SGCD: variants seen among roughly 807,000 people sequenced by gnomAD.
The protein encoded by SGCD is sarcoglycan delta, also known as delta-sarcoglycan.
In SGCD, 18 loss-of-function variants were observed where a neutral mutation model predicts 36.6. The observed-to-expected ratio is 0.49, with a 90% CI of 0.34 to 0.73. SGCD has a LOEUF of 0.73. Ranked by LOEUF, SGCD falls within the 30% of genes least tolerant of loss-of-function variation. The pLI is 0.01. For synonymous variants in SGCD, 133 were observed against 130.6 expected, an observed-to-expected ratio of 1.02 and a Z score of -0.12; for missense variants, 387 against 346.7, an observed-to-expected ratio of 1.12 and a Z score of -0.92.
At chr5:156,090,321 G>C (rs1761209854) in intron 1 of SGCD, among the ~76,000 whole-genome samples, 1 of 152,160 alleles carries the variant, frequency 6.6e-6, no homozygotes, top group Non-Finnish European at 1.5e-5. Flanking sequence ...TTCCCTAAGT[G>C]TCAGCTGGTC....
At chr5:155,897,341 G>T (rs1467613772) in intron 1 of SGCD, among the ~76,000 whole-genome samples, 1 of 152,154 alleles carries the variant, frequency 6.6e-6, no homozygotes, top group Non-Finnish European at 1.5e-5. Context: ...TACCATGAAT[G>T]GAGCTTGCAG....
chr5:155,843,231 A>T, the SGCD span, among the ~76,000 whole-genome samples: 4 of 152,362 alleles, frequency 2.6e-5, no homozygotes, highest in Admixed American at 2.6e-4. Flanking sequence ...GTGTGTGTGT[A>T]AAATGAATAA....
chr5:156,026,999 CTA>C (rs1454442885), intron 1 of SGCD, among the ~76,000 whole-genome samples: 1 of 152,140 alleles, frequency 6.6e-6, no homozygotes, highest in Non-Finnish European at 1.5e-5. Flanking sequence ...AGGACTTGGT[CTA>C]TAGGTGATAG....
intron 1 of SGCD, among the ~76,000 whole-genome samples, chr5:156,086,053 G>C (rs1421849578): frequency 7.2e-5 from 11 of 152,206 alleles, no homozygotes; most frequent in Non-Finnish European, 1.5e-4. Flanking sequence ...AGTTTTCATA[G>C]TGGTTTCTCT....
chr5:156,618,603 A>C (rs1297969294), intron 6 of SGCD, among the ~76,000 whole-genome samples: 2 of 151,554 alleles, frequency 1.3e-5, no homozygotes, highest in Non-Finnish European at 2.9e-5. Flanking sequence ...AAAAAAAAAA[A>C]AAAAAAAAAG....
At chr5:155,860,204 G>C in the SGCD span, among the ~76,000 whole-genome samples, 1 of 152,188 alleles carries the variant, frequency 6.6e-6, no homozygotes, top group African/African-American at 2.4e-5. Context: ...AGGAAGATCA[G>C]GCCAATGACT....
At chr5:155,816,789 A>C in the SGCD span, among the ~76,000 whole-genome samples, 1 of 152,212 alleles carries the variant, frequency 6.6e-6, no homozygotes, top group Non-Finnish European at 1.5e-5. Flanking sequence ...GGTCCCAATA[A>C]TAGTATAAAA....
chr5:156,601,919 G>C lies in SGCD; in HGVS notation c.502+6868G>C, dbSNP rs190398246. Among the ~76,000 whole-genome samples, 525 of 152,290 alleles carry C rather than the reference G, an allele frequency of 3.4e-3. 3 individuals are homozygous for C. The highest frequency in any genetic ancestry group is 0.012 in the African/African-American group (487 of 41,560). On this transcript the variant is annotated intron_variant, in intron 6 of 8. Coordinates refer to ENST00000337851, the MANE Select transcript of SGCD (RefSeq NM_000337.6). ...GATGATCTCGATCTCCTGACCTTGT[G>C]ATCTGCCTGCCTTGGCCTCCCAAAG...
intron 1 of SGCD, among the ~76,000 whole-genome samples, chr5:156,071,091 T>C (rs1329772295): frequency 6.6e-6 from 1 of 152,194 alleles, no homozygotes; most frequent in Non-Finnish European, 1.5e-5. Context: ...GCTCCTGGAT[T>C]CATTAATATT....
intron 1 of SGCD, among the ~76,000 whole-genome samples, chr5:155,989,088 A>G (rs1225521057): frequency 6.6e-6 from 1 of 152,180 alleles, no homozygotes; most frequent in South Asian, 2.1e-4. Context: ...TTTGTTGATT[A>G]ATTAATTCTT....
At chr5:155,877,384 T>C (rs151226987) in intron 1 of SGCD, among the ~76,000 whole-genome samples, 6 of 152,128 alleles carry the variant, frequency 3.9e-5, no homozygotes, top group Admixed American at 3.3e-4. Flanking sequence ...TAGTTTGAAG[T>C]TTAAGATAAA....
chr5:156,718,955 C>T (rs1372377800), intron 7 of SGCD, among the ~76,000 whole-genome samples: 3 of 152,058 alleles, frequency 2.0e-5, no homozygotes, highest in Admixed American at 6.6e-5. Context: ...ACCTGTAATA[C>T]TCTTTTCTTC....
intron 7 of SGCD, among the ~76,000 whole-genome samples, chr5:156,667,173 C>G (rs1324873827): frequency 6.6e-6 from 1 of 152,130 alleles, no homozygotes; most frequent in Non-Finnish European, 1.5e-5. Flanking sequence ...TAATTCAAAA[C>G]ACTTCTGGTC....
intron 3 of SGCD, among the ~76,000 whole-genome samples, chr5:156,462,651 A>C (rs1581029088): frequency 6.6e-6 from 1 of 152,182 alleles, no homozygotes; most frequent in East Asian, 1.9e-4. Flanking sequence ...ATAGTGAGGA[A>C]AGTATTCTTT....
At chr5:155,875,301 T>TGTAGAATTAATTAAGTAATTCCATAG (rs1237365943) in intron 1 of SGCD, among the ~76,000 whole-genome samples, 17 of 152,148 alleles carry the variant, frequency 1.1e-4, no homozygotes, top group African/African-American at 3.6e-4. Context: ...TCATCCTCCT[T>TGTAGAATTAATTAAGTAATTCCATAG]GTAGAATTAA....
intron 3 of SGCD, among the ~76,000 whole-genome samples, chr5:156,222,218 G>T (rs1166080752): frequency 1.3e-5 from 2 of 152,048 alleles, no homozygotes; most frequent in African/African-American, 4.8e-5. Context: ...TCAAGTAGAA[G>T]AAGTTCCCAT....
chr5:156,121,997 T>G (rs1049213386), intron 2 of SGCD, among the ~76,000 whole-genome samples: 1 of 152,136 alleles, frequency 6.6e-6, no homozygotes, highest in African/African-American at 2.4e-5. Flanking sequence ...TTTGCTAGCT[T>G]CCCAAATACA....
At chr5:156,451,080 C>T (rs1481047008) in intron 3 of SGCD, among the ~76,000 whole-genome samples, 2 of 150,070 alleles carry the variant, frequency 1.3e-5, no homozygotes, top group Non-Finnish European at 3.0e-5. Context: ...CTTGCCTCTC[C>T]TCCCCTCCCC....
chr5:156,748,203 G>A (rs373524863), intron 7 of SGCD, among the ~76,000 whole-genome samples: 11 of 152,308 alleles, frequency 7.2e-5, no homozygotes, highest in East Asian at 3.9e-4. Flanking sequence ...AGAAGAATGC[G>A]TGCCTCTGGA....
Sources: gnomAD v4.1 joint callset for allele counts (sites outside exome capture counted in the v4.1 genomes callset) on GRCh38, gnomAD v4.1.1 for gene constraint, MANE v1.5 for transcripts, NCBI Gene and HGNC (gene_info 2026-07-23, HGNC 2026-07-21) for gene names.